Variants in TTC39C observed in about 807,000 individuals in gnomAD.
The protein encoded by TTC39C is tetratricopeptide repeat domain 39C.
A neutral mutation model predicts 76.3 loss-of-function variants in TTC39C; 33 were observed. The ratio of observed to expected loss-of-function variants is 0.43; its 90% CI spans 0.33 to 0.58. The LOEUF (loss-of-function observed/expected upper bound fraction) is 0.58. TTC39C is among the 20% of genes least tolerant of loss of function. The pLI, the probability that TTC39C is intolerant of heterozygous loss-of-function variation, is 0.04. For missense variants in TTC39C, 595 were observed against 701.4 expected (o/e 0.85, Z 1.71); for synonymous variants, 254 against 260.6 (o/e 0.97, Z 0.24).
intron 1 of TTC39C, among the ~76,000 whole-genome samples, chr18:24,023,933 C>G (rs1210342349): frequency 3.6e-5 from 2 of 55,308 alleles, no homozygotes; most frequent in South Asian, 8.0e-4. Context: ...AATAAAATTA[C>G]ATATATATAT....
chr18:24,031,326 A>C (rs2083668109), intron 1 of TTC39C, among the ~76,000 whole-genome samples: 1 of 152,162 alleles, frequency 6.6e-6, no homozygotes, highest in Non-Finnish European at 1.5e-5. Flanking sequence ...CAAGTGAAAA[A>C]GATTGTGAGT....
chr18:24,109,933 G>A (rs2145802642), intron 6 of TTC39C, among the ~76,000 whole-genome samples: 1 of 152,106 alleles, frequency 6.6e-6, no homozygotes, highest in South Asian at 2.1e-4. Flanking sequence ...TTGAACCCGG[G>A]AGGCAGAGAT....
intron 13 of TTC39C, 105 bp from the exon 14 acceptor site, chr18:24,132,380 A>G: frequency 4.8e-6 from 4 of 833,776 alleles, no homozygotes; most frequent in Non-Finnish European, 7.3e-6. Flanking sequence ...CTGGGAGTGT[A>G]GAGATTTTAC....
chr18:24,027,917 A>G (rs956573097), intron 1 of TTC39C, among the ~76,000 whole-genome samples: 19 of 151,998 alleles, frequency 1.3e-4, no homozygotes, highest in Admixed American at 3.9e-4. Context: ...CCAGGCCTAC[A>G]GTTGTTGAAG....
chr18:24,093,217 C>T (rs1181932042), intron 6 of TTC39C, among the ~76,000 whole-genome samples: 1 of 152,164 alleles, frequency 6.6e-6, no homozygotes, highest in East Asian at 1.9e-4. Flanking sequence ...CAGTGGCTCA[C>T]GCCTATAATC....
intron 6 of TTC39C, among the ~76,000 whole-genome samples, chr18:24,108,195 C>A (rs2145799785): frequency 6.6e-6 from 1 of 152,288 alleles, no homozygotes; most frequent in South Asian, 2.1e-4. Context: ...ATTGAAGTGA[C>A]ACCAACATTA....
intron 1 of TTC39C, among the ~76,000 whole-genome samples, chr18:24,030,260 T>C (rs2083650641): frequency 6.6e-6 from 1 of 152,200 alleles, no homozygotes; most frequent in African/African-American, 2.4e-5. Context: ...GCCTATTTAT[T>C]TGTATGACGT....
At chr18:23,998,440 A>C (rs2083285775) in intron 1 of TTC39C, among the ~76,000 whole-genome samples, 1 of 152,136 alleles carries the variant, frequency 6.6e-6, no homozygotes, top group Non-Finnish European at 1.5e-5. Flanking sequence ...TGAGACCCCC[A>C]TCTCTCTAAA....
chr18:24,033,676 A>G (rs1318634167), intron 1 of TTC39C, among the ~76,000 whole-genome samples: 2 of 152,208 alleles, frequency 1.3e-5, no homozygotes, highest in Non-Finnish European at 1.5e-5. Context: ...TTCAATTTTC[A>G]GTTACTACTG....
rs568303586 is a variant in TTC39C at position 24,082,205 on chromosome 18, A to AT, written c.816-697dup. The stretch of plus-strand genomic sequence containing the variant: ...TTTGTTTACCTAGTTTAACATGGCC[A>AT]TTTTTTTTTTTAAATAATGAGTTTG... On this transcript the variant is annotated intron_variant, in intron 5 of 13. Coordinates refer to ENST00000317571, the MANE Select transcript of TTC39C (RefSeq NM_001135993.2). Among the ~76,000 whole-genome samples the AT allele has an allele frequency of 7.8e-4, 114 of 145,630 alleles. 1 individual carries two copies. Among genetic ancestry groups the AT allele is most frequent in the Middle Eastern group, 3.5e-3 (1 of 282 alleles).
At chr18:24,113,482 G>T (rs986931731) in intron 6 of TTC39C, 4 of 667,564 alleles carry the variant, frequency 6.0e-6, no homozygotes, top group Non-Finnish European at 1.1e-5. Context: ...GAGCATTGGA[G>T]GGGGAGGAAG....
At chr18:24,109,244 T>TA (rs1479345259) in intron 6 of TTC39C, among the ~76,000 whole-genome samples, 4 of 146,920 alleles carry the variant, frequency 2.7e-5, no homozygotes, top group African/African-American at 1.0e-4. Context: ...TAGTCCCAAC[T>TA]ACTCAGGAGG....
Position 24,023,943 on chromosome 18 carries a change from TA to T in TTC39C, c.167+8906del, listed in dbSNP as rs1568408628. On this transcript the variant is annotated intron_variant, in intron 1 of 13. Coordinates refer to ENST00000317571, the MANE Select transcript of TTC39C (RefSeq NM_001135993.2). ...GCCCAAATAAAATTACATATATATATATGCATGTATATATATATATATATAT... is the reference window on the plus strand; with the variant it reads ...GCCCAAATAAAATTACATATATATATTGCATGTATATATATATATATATAT... Among the ~76,000 whole-genome samples the T allele has an allele frequency of 3.4e-3, 65 of 18,850 alleles. 5 individuals are homozygous for T. In the South Asian group the frequency reaches 0.11, roughly 33 times the overall value. The allele number at this position is 18,850 out of a possible 152,430, so 12.4% of individuals were successfully genotyped here.
chr18:24,093,478 CA>C (rs34863957), intron 6 of TTC39C, among the ~76,000 whole-genome samples: 692 of 113,148 alleles, frequency 6.1e-3, no homozygotes, highest in African/African-American at 0.014. Context: ...GACTCTGTCT[CA>C]AAAAAAAAAA....
chr18:24,012,162 T>C (rs1271937587), upstream of TTC39C, among the ~76,000 whole-genome samples: 1 of 88,808 alleles, frequency 1.1e-5, no homozygotes. Flanking sequence ...CCTTCAGGAT[T>C]TGGAGGCTCT....
intron 6 of TTC39C, among the ~76,000 whole-genome samples, chr18:24,091,962 G>A (rs2084522786): frequency 6.6e-6 from 1 of 151,348 alleles, no homozygotes; most frequent in Non-Finnish European, 1.5e-5. Context: ...GTGTGGTAGC[G>A]GGCGCCTGTA....
chr18:23,997,969 T>G (rs1457127472), intron 1 of TTC39C, among the ~76,000 whole-genome samples: 1 of 152,044 alleles, frequency 6.6e-6, no homozygotes, highest in Non-Finnish European at 1.5e-5. Flanking sequence ...ACTTCTGAAA[T>G]GTGAGGAACA....
At position 24,125,429 on chromosome 18, in the gene TTC39C, A is replaced by G. The variant is rs748890945; in HGVS notation, c.1299A>G (p.Ala433=). 1 of 1,614,212 alleles carries G rather than the reference A, an allele frequency of 6.2e-7. No individual in the cohort carries two copies. The highest frequency in any genetic ancestry group is 8.5e-7 in the Non-Finnish European group (1 of 1,180,044). The change falls in exon 10 of 14, where the codon GCA becomes GCG. Residue 433 remains alanine, a splice_region_variant and synonymous_variant. Coordinates refer to ENST00000317571, the MANE Select transcript of TTC39C (RefSeq NM_001135993.2). ...NQIEQFSVKK[A]ERFRKQTPTK... is the part of the protein sequence containing the mutation. ...CTGTTTATTCTGACTCCTTGCAGGC[A>G]GAGCGATTTCGGAAGCAAACCCCAA...
chr18:24,077,490 C>T (rs2084321656), intron 4 of TTC39C, among the ~76,000 whole-genome samples: 1 of 152,176 alleles, frequency 6.6e-6, no homozygotes, highest in African/African-American at 2.4e-5. Flanking sequence ...GTATGTGACC[C>T]AATAGAGCAT....
Sources: allele counts gnomAD v4.1 joint callset (sites outside exome capture counted in the v4.1 genomes callset), GRCh38; gene constraint gnomAD v4.1.1; transcripts MANE v1.5; gene names NCBI Gene and HGNC (gene_info 2026-07-23, HGNC 2026-07-21).